The following TULP4 variants were observed in gnomAD, a reference collection of about 807,000 sequenced individuals.
TULP4 encodes tubby-related protein 4.
Under a neutral mutation model 129.0 loss-of-function variants are expected in TULP4, and 16 were observed. The observed-to-expected ratio is 0.12, with a 90% CI of 0.08 to 0.19. The LOEUF is 0.19. Among genes scored for constraint, TULP4 ranks in the 10% least tolerant of loss-of-function variants. The pLI, the probability that TULP4 is intolerant of heterozygous loss-of-function variation, is 1.00. For synonymous variants in TULP4, 998 were observed against 854.0 expected (o/e 1.17, Z -2.94); for missense variants, 1,842 against 2,059.1 (o/e 0.89, Z 2.04).
At chr6:158,260,380 T>A (rs372768208) in intron 1 of TULP4, among the ~76,000 whole-genome samples, 3 of 152,070 alleles carry the variant, frequency 2.0e-5, no homozygotes, top group Non-Finnish European at 4.4e-5. Flanking sequence ...TTCATGACCA[T>A]CCTGGCTAAC....
intron 1 of TULP4, among the ~76,000 whole-genome samples, chr6:158,363,507 G>A (rs762218937): frequency 2.6e-5 from 4 of 152,016 alleles, no homozygotes; most frequent in East Asian, 1.9e-4. Context: ...CTTTTGAGGC[G>A]GAGTCTCACT....
intron 2 of TULP4, among the ~76,000 whole-genome samples, chr6:158,420,735 C>T (rs1472605918): frequency 6.6e-6 from 1 of 152,134 alleles, no homozygotes; most frequent in Admixed American, 6.5e-5. Context: ...CCACCTTCCA[C>T]ATCCTCCCAA....
At chr6:158,317,302 G>A (rs1779513405) in intron 1 of TULP4, among the ~76,000 whole-genome samples, 2 of 151,866 alleles carry the variant, frequency 1.3e-5, no homozygotes, top group African/African-American at 4.8e-5. Flanking sequence ...TTCTTCTAAT[G>A]CTATTCCTCC....
At chr6:158,453,485 CAAAAAAAAA>C (rs869146924) in intron 5 of TULP4, among the ~76,000 whole-genome samples, 237 of 17,990 alleles carry the variant, frequency 0.013, 5 homozygotes, top group African/African-American at 0.047. Context: ...CTCTGTCTCA[CAAAAAAAAA>C]AAAAAAAAAA....
chr6:158,493,633 G>A lies in TULP4; in HGVS notation c.1692G>A (p.Arg564=), dbSNP rs539440482. The change falls in exon 10 of 14, where the codon CGG becomes CGA. Residue 564 remains arginine, a synonymous_variant. Coordinates refer to ENST00000367097, the MANE Select transcript of TULP4 (RefSeq NM_020245.5). This position sits in a 1 kb window ranked among gnomAD's most constrained non-coding sequence, Gnocchi z 4.4. ...CCCGGGCTGCTCAGGAGCTCTCCCG[G>A]TCCCCACGGTTGCCCCTGCGCAAGC... ...KLPRAAQELS[R]SPRLPLRKPS... is the part of the protein sequence containing the mutation. 16 of 1,599,078 alleles carry A rather than the reference G, an allele frequency of 1.0e-5. No homozygotes were observed. The South Asian group carries it at 1.3e-4, about 13-fold the overall frequency.
chr6:158,493,213 T>C lies in TULP4; in HGVS notation c.1632-360T>C, dbSNP rs1780254632. Among the ~76,000 whole-genome samples the C allele has an allele frequency of 6.6e-6, 1 of 152,312 alleles. No individual in the cohort carries two copies. Among genetic ancestry groups the C allele is most frequent in the African/African-American group, 2.4e-5 (1 of 41,568 alleles). On this transcript the variant is annotated intron_variant, in intron 9 of 13. Coordinates refer to ENST00000367097, the MANE Select transcript of TULP4 (RefSeq NM_020245.5). The surrounding 1 kb of genome is among the most constrained non-coding windows in gnomAD (Gnocchi z 4.4). ...AGTATATTTTGAGATGGGGTCTTGC[T>C]CTGTCATCCAGGCTCAAGTGGAGTT...
chr6:158,391,486 A>C (rs560747965), intron 1 of TULP4, among the ~76,000 whole-genome samples: 2 of 152,228 alleles, frequency 1.3e-5, no homozygotes, highest in African/African-American at 2.4e-5. Context: ...AGTGAATTCA[A>C]ACCTACAAAG....
At position 158,502,324 on chromosome 6, in the gene TULP4, G is replaced by A. The variant is rs1471740540; in HGVS notation, c.2661G>A (p.Arg887=). The A allele has an allele frequency of 1.2e-6, 2 of 1,613,580 alleles. No individual in the cohort carries two copies. The highest frequency in any genetic ancestry group is 1.7e-6 in the Non-Finnish European group (2 of 1,179,888). ...VHYQTPLGYE[R]ITTFDSSGNV... is the part of the protein sequence containing the mutation. ...ACCAGACCCCCCTGGGCTATGAGAG[G>A]ATCACCACCTTCGACAGCAGTGGCA... The change falls in exon 13 of 14, where the codon AGG becomes AGA. Residue 887 remains arginine (R), a synonymous_variant. Coordinates refer to ENST00000367097, the MANE Select transcript of TULP4 (RefSeq NM_020245.5).
At chr6:158,440,449 G>A (rs1778866111) in intron 3 of TULP4, among the ~76,000 whole-genome samples, 2 of 152,112 alleles carry the variant, frequency 1.3e-5, no homozygotes, top group South Asian at 4.1e-4. Context: ...GGTAAGAGTG[G>A]AGCTGCTGCT....
chr6:158,400,000 A>T (rs751261645), intron 1 of TULP4, among the ~76,000 whole-genome samples: 32 of 152,268 alleles, frequency 2.1e-4, no homozygotes, highest in Non-Finnish European at 3.7e-4. Flanking sequence ...AGAAGGTGCT[A>T]GCTACCATTG....
chr6:158,494,684 TACTG>T lies in TULP4; in HGVS notation c.1777-67_1777-64del, dbSNP rs1397790481. The stretch of plus-strand genomic sequence containing the variant: ...CTTAAGTAATAAATATTAACATTCT[TACTG>T]AGTGACCAGTTGAAAATACGGAAAT... On this transcript the variant is annotated intron_variant, in intron 10 of 13. Transcript: ENST00000367097. 2.1e-6 allele frequency: 3 copies of T among 1,409,614 alleles called. No individual in the cohort carries two copies. In the African/African-American group the frequency reaches 4.3e-5, roughly 20 times the overall value. 87.3% of individuals were successfully genotyped at this position (1,409,614 alleles called of 1,614,324 possible).
chr6:158,248,361 C>G (rs1778070797), intron 1 of TULP4, among the ~76,000 whole-genome samples: 1 of 152,068 alleles, frequency 6.6e-6, no homozygotes, highest in African/African-American at 2.4e-5. Context: ...GCTCTGCCTC[C>G]TGGGTTCACG....
intron 1 of TULP4, among the ~76,000 whole-genome samples, chr6:158,371,732 G>A (rs1489705201): frequency 6.6e-6 from 1 of 152,222 alleles, no homozygotes; most frequent in Non-Finnish European, 1.5e-5. Flanking sequence ...CAGCCAAGAA[G>A]CACTAGATCT....
intron 2 of TULP4, 107 bp from the exon 3 acceptor site, chr6:158,429,629 C>T (rs955499866): frequency 9.1e-6 from 11 of 1,208,394 alleles, no homozygotes; most frequent in Middle Eastern, 2.0e-4. Context: ...ATTTTAAGGC[C>T]ATCTCCATCT....
intron 1 of TULP4, among the ~76,000 whole-genome samples, chr6:158,276,119 GC>G (rs1214787249): frequency 4.6e-5 from 7 of 151,716 alleles, no homozygotes; most frequent in Non-Finnish European, 8.8e-5. Flanking sequence ...ACAGGTGCGC[GC>G]CACCATGCCC....
chr6:158,442,744 C>G (rs1778927880), intron 3 of TULP4, among the ~76,000 whole-genome samples: 1 of 151,916 alleles, frequency 6.6e-6, no homozygotes, highest in South Asian at 2.1e-4. Flanking sequence ...CTTCTATCCC[C>G]AAGCTGACCA....
chr6:158,245,179 G>A (rs1472087775), intron 1 of TULP4, among the ~76,000 whole-genome samples: 1 of 144,258 alleles, frequency 6.9e-6, no homozygotes, highest in Middle Eastern at 3.6e-3. Flanking sequence ...TTTTTTTTTA[G>A]GGATGAAGCC....
chr6:158,320,805 A>G (rs1779608643), intron 1 of TULP4, among the ~76,000 whole-genome samples: 1 of 152,156 alleles, frequency 6.6e-6, no homozygotes, highest in Non-Finnish European at 1.5e-5. Context: ...TTATAAGGAC[A>G]CGACTACTGT....
Position 158,429,866 on chromosome 6 carries a change from C to G in TULP4, c.512C>G (p.Thr171Arg). The G allele has an allele frequency of 6.2e-7, 1 of 1,613,994 alleles. No homozygotes were observed. Among genetic ancestry groups the G allele is most frequent in the African/African-American group, 1.3e-5 (1 of 75,002 alleles). ...GAAATCAACTTGGAAAGTCAAATTA[C>G]GTGTGGCATATGGACTCCTGACGAC... is the stretch of plus-strand genomic sequence containing the variant. ...SSEINLESQI[T>R]CGIWTPDDQQ... The change falls in exon 3 of 14, where the codon ACG becomes AGG. Residue 171 changes from threonine to arginine, a missense_variant. Transcript: ENST00000367097.
Sources: allele counts gnomAD v4.1 joint callset (sites outside exome capture counted in the v4.1 genomes callset), GRCh38; gene constraint gnomAD v4.1.1; non-coding constraint Gnocchi (gnomAD v3.1); transcripts MANE v1.5; gene names NCBI Gene and HGNC (gene_info 2026-07-23, HGNC 2026-07-21).